PLCH1: variants seen among roughly 807,000 people sequenced by gnomAD.
PLCH1 encodes the protein 1-phosphatidylinositol 4,5-bisphosphate phosphodiesterase eta-1.
A neutral mutation model predicts 126.7 loss-of-function variants in PLCH1; 60 were observed. The ratio of observed to expected loss-of-function variants is 0.47; its 90% CI spans 0.38 to 0.59. The LOEUF (loss-of-function observed/expected upper bound fraction) is 0.59, where lower values mean the gene tolerates loss of function less well. PLCH1 is among the 20% of genes least tolerant of loss of function. The pLI is 0.00. For synonymous variants in PLCH1, 719 were observed against 734.9 expected (o/e 0.98, Z 0.35); for missense variants, 1,723 against 2,040.0 (o/e 0.84, Z 2.99).
In PLCH1 at chr3:155,610,723, G is replaced by C. The variant is rs147449812; in HGVS notation, c.80-14345C>G. Among the ~76,000 whole-genome samples, 453 of 151,840 alleles carry C rather than the reference G, an allele frequency of 3.0e-3. 2 individuals are homozygous for C. Among genetic ancestry groups the C allele is most frequent in the South Asian group, 0.02 (94 of 4,802 alleles). On this transcript the variant is annotated intron_variant, in intron 2 of 22. Coordinates refer to ENST00000460012, the MANE Select transcript of PLCH1 (RefSeq NM_014996.4). ...ACTGCTAAAAGGAGCTCTAAAACTT[G>C]AAACAAAACCTCAAAATACACCAAA... is the stretch of plus-strand genomic sequence containing the variant.
At chr3:155,487,944 T>C in intron 21 of PLCH1, 84 bp downstream of exon 21, 1 of 906,934 alleles carries the variant, frequency 1.1e-6, no homozygotes, top group Non-Finnish European at 1.8e-6. Context: ...TGTCAAAATT[T>C]ACATTCCTAT....
intron 2 of PLCH1, among the ~76,000 whole-genome samples, chr3:155,701,017 C>T (rs1252659357): frequency 6.6e-6 from 1 of 152,114 alleles, no homozygotes; most frequent in African/African-American, 2.4e-5. Context: ...AAAAGACAGA[C>T]AAGAGGGAAA....
chr3:155,704,139 A>C lies in PLCH1; in HGVS notation c.79+7T>G. On this transcript the variant is annotated splice_region_variant and intron_variant, in intron 2 of 22. Transcript: ENST00000460012. Reference sequence around the variant, plus strand: ...ATCCAACTACATAAATACAAGAGACAGCTTACCATGAAACACACTGTTGTC... The same window carrying C: ...ATCCAACTACATAAATACAAGAGACCGCTTACCATGAAACACACTGTTGTC... The C allele has an allele frequency of 8.4e-7, 1 of 1,185,478 alleles. No individual in the cohort carries two copies. Among genetic ancestry groups the C allele is most frequent in the Non-Finnish European group, 1.1e-6 (1 of 945,664 alleles). The allele number at this position is 1,185,478 out of a possible 1,614,324, so 73.4% of individuals were successfully genotyped here.
chr3:155,565,351 G>A (rs1251909242), intron 7 of PLCH1, among the ~76,000 whole-genome samples: 3 of 152,110 alleles, frequency 2.0e-5, no homozygotes, highest in Non-Finnish European at 2.9e-5. Flanking sequence ...TGTTGGAGGT[G>A]GGCCCTGGTG....
At chr3:155,630,118 A>T (rs1315857918) in intron 2 of PLCH1, among the ~76,000 whole-genome samples, 1 of 152,208 alleles carries the variant, frequency 6.6e-6, no homozygotes, top group Non-Finnish European at 1.5e-5. Flanking sequence ...CCTGCCACAC[A>T]GCAGTAACTA....
chr3:155,667,684 T>G (rs1368324310), intron 2 of PLCH1, among the ~76,000 whole-genome samples: 1 of 152,080 alleles, frequency 6.6e-6, no homozygotes, highest in Non-Finnish European at 1.5e-5. Context: ...GAACACTTTC[T>G]CCATTGTGTT....
chr3:155,487,481 G>A (rs1715425412), intron 21 of PLCH1, among the ~76,000 whole-genome samples: 1 of 152,196 alleles, frequency 6.6e-6, no homozygotes, highest in Admixed American at 6.5e-5. Context: ...CAAGACAACA[G>A]CATCAGGAAA....
chr3:155,616,056 A>G (rs905182044), intron 2 of PLCH1, among the ~76,000 whole-genome samples: 2 of 152,176 alleles, frequency 1.3e-5, no homozygotes, highest in African/African-American at 4.8e-5. Flanking sequence ...GATTCTAGGT[A>G]AGGCCTAGAG....
Position 155,482,190 on chromosome 3 carries a change from G to A in PLCH1, c.3836C>T (p.Pro1279Leu). The A allele has an allele frequency of 6.2e-7, 1 of 1,614,170 alleles. No individual in the cohort carries two copies. The highest frequency in any genetic ancestry group is 1.1e-5 in the South Asian group (1 of 91,082). ...GGCCTTACTAGAAAGGTCATCATCT[G>A]GTTTGGTTTTAGAGATGGGAGTGCA... ...TTCTPISKTK[P>L]DDDLSSKAKT... Residue 1279 changes from proline to leucine, a missense_variant, in exon 23 of 23, where the codon CCA becomes CTA. Physicochemically the swap from Pro to Leu is moderately conservative, Grantham distance 98. Coordinates refer to ENST00000460012, the MANE Select transcript of PLCH1 (RefSeq NM_014996.4).
At chr3:155,709,192 T>A (rs1577351714) in intron 1 of PLCH1, among the ~76,000 whole-genome samples, 1 of 152,216 alleles carries the variant, frequency 6.6e-6, no homozygotes, top group Non-Finnish European at 1.5e-5. Flanking sequence ...CTGATGAACA[T>A]CTTAGTTGCT....
intron 11 of PLCH1, 116 bp from the exon 12 acceptor site, chr3:155,515,000 G>C: frequency 1.6e-6 from 1 of 618,188 alleles, no homozygotes; most frequent in South Asian, 3.0e-5. Context: ...TTACTTGTAA[G>C]AAATTAAGCT....
downstream of PLCH1, among the ~76,000 whole-genome samples, chr3:155,478,742 G>A (rs1713658619): frequency 6.6e-6 from 1 of 151,946 alleles, no homozygotes; most frequent in African/African-American, 2.4e-5. Context: ...TTTCATGTGT[G>A]AAATGAACTT....
At chr3:155,684,272 G>A (rs1744767863) in intron 2 of PLCH1, among the ~76,000 whole-genome samples, 1 of 152,140 alleles carries the variant, frequency 6.6e-6, no homozygotes, top group Non-Finnish European at 1.5e-5. Flanking sequence ...CATAAATTGG[G>A]GGAAGCGGGT....
intron 10 of PLCH1, among the ~76,000 whole-genome samples, chr3:155,530,951 C>T (rs1722593794): frequency 6.6e-6 from 1 of 152,192 alleles, no homozygotes; most frequent in Non-Finnish European, 1.5e-5. Context: ...TCTACTTATA[C>T]ATCTCATTAG....
intron 12 of PLCH1, among the ~76,000 whole-genome samples, chr3:155,506,450 C>T (rs1718739288): frequency 6.6e-6 from 1 of 151,448 alleles, no homozygotes; most frequent in African/African-American, 2.4e-5. Context: ...GCGCTGCACC[C>T]ACTAACGTGT....
chr3:155,534,185 C>A (rs1001605016), intron 10 of PLCH1, among the ~76,000 whole-genome samples: 6 of 152,190 alleles, frequency 3.9e-5, no homozygotes, highest in Non-Finnish European at 7.3e-5. Flanking sequence ...TCAATGCCAG[C>A]CTGTGAAAGC....
chr3:155,690,645 G>A (rs1292618372), intron 2 of PLCH1, among the ~76,000 whole-genome samples: 1 of 152,118 alleles, frequency 6.6e-6, no homozygotes, highest in Non-Finnish European at 1.5e-5. Context: ...ACTGCTGGGG[G>A]TCTTGGTCAT....
intron 2 of PLCH1, among the ~76,000 whole-genome samples, chr3:155,627,612 C>T (rs1433119163): frequency 1.3e-4 from 19 of 147,278 alleles, no homozygotes; most frequent in African/African-American, 4.5e-4. Flanking sequence ...TCAGATTGGA[C>T]GACAGAGCAA....
chr3:155,553,889 G>A (rs1726460119), intron 9 of PLCH1, among the ~76,000 whole-genome samples, 187 bp downstream of exon 9: 1 of 152,214 alleles, frequency 6.6e-6, no homozygotes. Flanking sequence ...TGCAGCATGA[G>A]AAAGTACAAA....
Sources: allele counts gnomAD v4.1 joint callset (sites outside exome capture counted in the v4.1 genomes callset), GRCh38; gene constraint gnomAD v4.1.1; transcripts MANE v1.5; gene names NCBI Gene and HGNC (gene_info 2026-07-23, HGNC 2026-07-21).